Variants in TCF20 observed in about 807,000 individuals in gnomAD.
TCF20 encodes the protein SPRE-binding protein.
In TCF20, 3 loss-of-function variants were observed where a neutral mutation model predicts 148.6. The observed-to-expected ratio is 0.02, with a 90% CI of 0.01 to 0.05. The LOEUF is 0.05. TCF20 is among the 10% of genes least tolerant of loss of function. The pLI, the probability that TCF20 is intolerant of heterozygous loss-of-function variation, is 1.00. For synonymous variants in TCF20, 1,049 were observed against 909.5 expected (o/e 1.15, Z -2.76); for missense variants, 2,350 against 2,429.3 (o/e 0.97, Z 0.69).
chr22:42,320,469 C>G (rs1927711780), intron 1 of TCF20, among the ~76,000 whole-genome samples: 1 of 152,224 alleles, frequency 6.6e-6, no homozygotes. Flanking sequence ...TGCCCTTCCT[C>G]CACCTCAATC....
chr22:42,231,608 A>G (rs146414478), intron 1 of TCF20, among the ~76,000 whole-genome samples: 168 of 152,306 alleles, frequency 1.1e-3, no homozygotes, highest in African/African-American at 3.9e-3. Flanking sequence ...AAGGTTACAA[A>G]TTTTTAAAGT....
chr22:42,184,952 G>T (rs183041712), intron 2 of TCF20, among the ~76,000 whole-genome samples: 3 of 152,310 alleles, frequency 2.0e-5, no homozygotes, highest in Admixed American at 2.0e-4. Flanking sequence ...CAGAGGCAGG[G>T]CTCGCTGACT....
rs774138782 is a variant in TCF20 at position 42,290,896 on chromosome 22, G to T, written c.-37+52583C>A. ...GAGGACTCACATCTTCAGGGGCTTT[G>T]CAAAGCACCCCCTCTTACCTTACCT... is the stretch of plus-strand genomic sequence containing the variant. On this transcript the variant is annotated intron_variant, in intron 1 of 1. Coordinates refer to the TCF20 transcript ENST00000515426. This position sits in a 1 kb window ranked among gnomAD's most constrained non-coding sequence, Gnocchi z 4.2. 2.6e-5 allele frequency among the ~76,000 whole-genome samples: 4 copies of T among 152,204 alleles called. No homozygotes were observed. Among genetic ancestry groups the T allele is most frequent in the Non-Finnish European group, 5.9e-5 (4 of 68,028 alleles).
intron 2 of TCF20, among the ~76,000 whole-genome samples, chr22:42,200,549 G>A (rs1476771396): frequency 6.6e-6 from 1 of 151,796 alleles, no homozygotes; most frequent in Non-Finnish European, 1.5e-5. Flanking sequence ...GCTGAGGCCT[G>A]GGAGGATGTT....
intron 1 of TCF20, among the ~76,000 whole-genome samples, chr22:42,337,210 G>A (rs1476128948): frequency 6.6e-6 from 1 of 152,022 alleles, no homozygotes; most frequent in African/African-American, 2.4e-5. Flanking sequence ...TCCTGTCACT[G>A]ATTCCCAAAC....
Position 42,210,002 on chromosome 22 carries a change from TTCC to T in TCF20, c.5301_5303del (p.Glu1769del). The T allele has an allele frequency of 6.2e-7, 1 of 1,613,048 alleles. No individual in the cohort carries two copies. The highest frequency in any genetic ancestry group is 8.5e-7 in the Non-Finnish European group (1 of 1,180,024). On this transcript the variant is annotated inframe_deletion, in exon 2 of 6. Transcript: ENST00000677622. The surrounding 1 kb of genome is among the most constrained non-coding windows in gnomAD (Gnocchi z 4.7). ...GCTCCTTCTGCTGCTGCTGCTGCTC[TTCC>T]TCCTCCTCAGTGTCCGTCTTGGAGC...
intron 1 of TCF20, among the ~76,000 whole-genome samples, chr22:42,315,380 ACT>A (rs1263530507): frequency 1.3e-5 from 2 of 152,008 alleles, no homozygotes; most frequent in Non-Finnish European, 2.9e-5. Flanking sequence ...GAGAGGAAGG[ACT>A]CTCTGAAGGA....
At position 42,237,747 on chromosome 22, in the gene TCF20, T is replaced by C. The variant is rs548720708; in HGVS notation, c.-36-22406A>G. Reference sequence around the variant, plus strand: ...CATGAAAACAACATTTATCTCCTTATACATTTCCATCAGAGCTCTTAGGTG... The same window carrying C: ...CATGAAAACAACATTTATCTCCTTACACATTTCCATCAGAGCTCTTAGGTG... On this transcript the variant is annotated intron_variant, in intron 1 of 5. Transcript: ENST00000677622. 4.6e-5 allele frequency among the ~76,000 whole-genome samples: 7 copies of C among 152,354 alleles called. No homozygotes were observed. In the East Asian group the frequency reaches 1.2e-3, roughly 25 times the overall value.
chr22:42,196,575 C>T (rs560480444), intron 2 of TCF20, among the ~76,000 whole-genome samples: 49 of 152,190 alleles, frequency 3.2e-4, no homozygotes, highest in Non-Finnish European at 6.5e-4. Flanking sequence ...ACAAAAATAA[C>T]TTTCAAGCAA....
At chr22:42,228,787 C>G (rs769063618) in intron 1 of TCF20, among the ~76,000 whole-genome samples, 1 of 152,068 alleles carries the variant, frequency 6.6e-6, no homozygotes, top group Non-Finnish European at 1.5e-5. Flanking sequence ...TTAAAGCCAA[C>G]AGAGTAGATG....
At chr22:42,288,273 C>T (rs1397121179), upstream of TCF20, among the ~76,000 whole-genome samples, 2 of 152,078 alleles carry the variant, frequency 1.3e-5, no homozygotes, top group African/African-American at 4.8e-5. Context: ...CGCGGTGGCT[C>T]ACGCCTGTAA....
At chr22:42,331,029 T>C (rs1055749210) in intron 1 of TCF20, among the ~76,000 whole-genome samples, 1 of 152,232 alleles carries the variant, frequency 6.6e-6, no homozygotes, top group Admixed American at 6.5e-5. Flanking sequence ...GTGGCAGGGC[T>C]GCTCGGGGCT....
At chr22:42,187,456 T>A (rs1888036194) in intron 2 of TCF20, among the ~76,000 whole-genome samples, 1 of 152,216 alleles carries the variant, frequency 6.6e-6, no homozygotes, top group African/African-American at 2.4e-5. Context: ...AAACCTGTAA[T>A]AAGTGTCTCT....
At chr22:42,285,672 T>C (rs111937638), upstream of TCF20, among the ~76,000 whole-genome samples, 4 of 152,274 alleles carry the variant, frequency 2.6e-5, no homozygotes, top group African/African-American at 7.2e-5. The surrounding 1 kb of genome is among the most constrained non-coding windows in gnomAD (Gnocchi z 4.2). Flanking sequence ...AGGGTCTCAC[T>C]ATGTTGCCTA....
intron 5 of TCF20, among the ~76,000 whole-genome samples, chr22:42,162,651 T>A (rs1935536048): frequency 6.6e-6 from 1 of 152,164 alleles, no homozygotes; most frequent in African/African-American, 2.4e-5. Context: ...TATCTGCCAA[T>A]CACTGTGCTT....
chr22:42,315,978 G>A (rs574221410), intron 1 of TCF20, among the ~76,000 whole-genome samples: 2 of 152,078 alleles, frequency 1.3e-5, no homozygotes, highest in East Asian at 3.9e-4. Context: ...AGCTGGGCGT[G>A]GTGGTGCATG....
chr22:42,254,959 C>CAAAAAAAAAAAAAAAAAAAAAA (rs10625678), intron 1 of TCF20, among the ~76,000 whole-genome samples: 7 of 62,808 alleles, frequency 1.1e-4, no homozygotes, highest in African/African-American at 5.7e-4. Context: ...GACTCCGTCT[C>CAAAAAAAAAAAAAAAAAAAAAA]AAAAAAAAAA....
chr22:42,188,293 CAAAAAAAAAAAAAAA>C (rs58945649), intron 2 of TCF20, among the ~76,000 whole-genome samples: 1 of 49,470 alleles, frequency 2.0e-5, no homozygotes, highest in Non-Finnish European at 4.3e-5. Flanking sequence ...AACTCCGTCT[CAAAAAAAAAAAAAAA>C]AAAAAAAAAA....
At chr22:42,306,199 C>T (rs563893504) in intron 1 of TCF20, among the ~76,000 whole-genome samples, 11 of 152,374 alleles carry the variant, frequency 7.2e-5, no homozygotes, top group East Asian at 1.9e-4. Flanking sequence ...GCCAGCTCCC[C>T]GCCTCGCAGA....
Sources: allele counts gnomAD v4.1 joint callset (sites outside exome capture counted in the v4.1 genomes callset), GRCh38; gene constraint gnomAD v4.1.1; non-coding constraint Gnocchi (gnomAD v3.1); transcripts MANE v1.5; gene names NCBI Gene and HGNC (gene_info 2026-07-23, HGNC 2026-07-21).